LRP1B: variants seen among roughly 807,000 people sequenced by gnomAD.
The protein encoded by LRP1B is LDL receptor related protein 1B.
LRP1B carries 217 observed loss-of-function variants against 556.6 expected under a neutral mutation model. That is an observed-to-expected ratio of 0.39 (90% CI 0.35 to 0.44). The LOEUF is 0.44. LRP1B is among the 20% of genes least tolerant of loss of function. The pLI, the probability that LRP1B is intolerant of heterozygous loss-of-function variation, is 1.00. For missense variants in LRP1B, 5,053 were observed against 5,620.8 expected, an observed-to-expected ratio of 0.90 and a Z score of 3.23; for synonymous variants, 2,047 against 1,865.8, an observed-to-expected ratio of 1.10 and a Z score of -2.50.
At chr2:141,996,223 AAAAAAC>A (rs1490148297) in intron 1 of LRP1B, among the ~76,000 whole-genome samples, 6 of 98,222 alleles carry the variant, frequency 6.1e-5, no homozygotes, top group Middle Eastern at 4.5e-3. Context: ...AAAAAAAAAA[AAAAAAC>A]GTTATAAGTG....
intron 88 of LRP1B, among the ~76,000 whole-genome samples, chr2:140,238,785 A>G (rs1680822807): frequency 6.6e-6 from 1 of 150,748 alleles, no homozygotes; most frequent in Admixed American, 6.6e-5. Flanking sequence ...TCACCCAAAT[A>G]ATGTACGCTG....
At chr2:140,832,599 T>C (rs1691754604) in intron 31 of LRP1B, among the ~76,000 whole-genome samples, 1 of 152,180 alleles carries the variant, frequency 6.6e-6, no homozygotes, top group East Asian at 1.9e-4. Context: ...GCAACATGCA[T>C]GGAGTGTCAG....
intron 2 of LRP1B, among the ~76,000 whole-genome samples, chr2:141,552,130 G>T (rs1262894102): frequency 6.6e-6 from 1 of 151,968 alleles, no homozygotes; most frequent in East Asian, 1.9e-4. Context: ...GGATAGCTAT[G>T]TTCCTATCAT....
At chr2:141,600,389 A>C (rs1166284207) in intron 2 of LRP1B, among the ~76,000 whole-genome samples, 1 of 152,194 alleles carries the variant, frequency 6.6e-6, no homozygotes, top group Non-Finnish European at 1.5e-5. Context: ...GATTTATTGT[A>C]TTCCACGAAC....
At chr2:141,294,008 G>A (rs1686083007) in intron 3 of LRP1B, among the ~76,000 whole-genome samples, 2 of 152,020 alleles carry the variant, frequency 1.3e-5, no homozygotes, top group African/African-American at 4.8e-5. Context: ...CAATTTGAAA[G>A]TATCTTTAAC....
intron 2 of LRP1B, among the ~76,000 whole-genome samples, chr2:141,785,486 T>A (rs1288912779): frequency 2.6e-5 from 4 of 151,850 alleles, no homozygotes; most frequent in African/African-American, 9.7e-5. Context: ...TTTAGGTGAC[T>A]CTTTTCCATG....
chr2:140,633,027 C>T (rs1189222468), intron 41 of LRP1B, among the ~76,000 whole-genome samples: 1 of 149,532 alleles, frequency 6.7e-6, no homozygotes, highest in Non-Finnish European at 1.5e-5. Flanking sequence ...CATGCCACTG[C>T]ACTCCAGCCT....
intron 43 of LRP1B, among the ~76,000 whole-genome samples, chr2:140,596,906 C>G (rs1682464651): frequency 1.3e-5 from 2 of 152,120 alleles, no homozygotes; most frequent in Admixed American, 6.5e-5. Flanking sequence ...ATCTAGAACA[C>G]AATTAGCAAT....
chr2:141,589,315 C>T (rs1001674064), intron 2 of LRP1B, among the ~76,000 whole-genome samples: 3 of 152,090 alleles, frequency 2.0e-5, no homozygotes, highest in African/African-American at 4.8e-5. Flanking sequence ...ACTTCCATAG[C>T]GACCTCTGAC....
intron 1 of LRP1B, among the ~76,000 whole-genome samples, chr2:141,891,830 T>C (rs571207735): frequency 2.0e-5 from 3 of 152,226 alleles, no homozygotes; most frequent in Non-Finnish European, 2.9e-5. Flanking sequence ...CGGAAAACTT[T>C]CAGTTTCTTA....
intron 3 of LRP1B, among the ~76,000 whole-genome samples, chr2:141,362,237 A>G (rs1035115230): frequency 6.6e-6 from 1 of 152,300 alleles, no homozygotes; most frequent in Admixed American, 6.5e-5. Context: ...TAACATTTAA[A>G]CTTGTTTTGG....
At chr2:140,600,238 A>T (rs1413358647) in intron 42 of LRP1B, among the ~76,000 whole-genome samples, 3 of 152,024 alleles carry the variant, frequency 2.0e-5, no homozygotes, top group African/African-American at 7.2e-5. Context: ...ACTGTGGGAC[A>T]TTTATTATTG....
chr2:141,199,353 A>G (rs1362364646), intron 6 of LRP1B, among the ~76,000 whole-genome samples: 1 of 152,018 alleles, frequency 6.6e-6, no homozygotes, highest in Non-Finnish European at 1.5e-5. Flanking sequence ...TTATTTGTGT[A>G]TTTTTTTCTT....
Position 140,358,107 on chromosome 2 carries a change from G to A in LRP1B, c.11267C>T (p.Thr3756Ile), listed in dbSNP as rs2105135502. The A allele has an allele frequency of 5.0e-6, 8 of 1,610,496 alleles. No homozygotes were observed. The highest frequency in any genetic ancestry group is 5.9e-6 in the Non-Finnish European group (7 of 1,177,774). The change falls in exon 74 of 91, where the codon ACA becomes ATA. Residue 3756 changes from threonine (T) to isoleucine (I), a missense_variant. By Grantham distance (89) the Thr-to-Ile change is moderately conservative (BLOSUM62 -1). Coordinates refer to ENST00000389484, the MANE Select transcript of LRP1B (RefSeq NM_018557.3). ...CTTTTTACAAGGCCTTGCTTTATAT[G>A]TCAGCTTACCTATAGAGTCATACAA... is the stretch of plus-strand genomic sequence containing the variant. Reference protein sequence around the residue: ...SDEDHCGGKLTYKARPCKKDE... With the variant: ...SDEDHCGGKLIYKARPCKKDE...
intron 2 of LRP1B, among the ~76,000 whole-genome samples, chr2:141,556,686 TGA>T (rs1484053962): frequency 6.6e-6 from 1 of 151,876 alleles, no homozygotes; most frequent in Non-Finnish European, 1.5e-5. Flanking sequence ...GTTAAGAACA[TGA>T]GAGTTTAAAT....
At chr2:140,964,999 TAG>T (rs1383162805) in intron 18 of LRP1B, among the ~76,000 whole-genome samples, 1 of 152,062 alleles carries the variant, frequency 6.6e-6, no homozygotes, top group Admixed American at 6.6e-5. Flanking sequence ...AGGGATATAA[TAG>T]AGAGATATTG....
At position 140,609,941 on chromosome 2, in the gene LRP1B, C is replaced by T. The variant is rs139483376; in HGVS notation, c.6800-8302G>A. On this transcript the variant is annotated intron_variant, in intron 41 of 90. Transcript: ENST00000389484. ...ATTTAGAATAAAATGTGGTTTACTC[C>T]CTGCCTGCTTCTTCCACCTTATCTC... Among the ~76,000 whole-genome samples the T allele has an allele frequency of 9.9e-4, 150 of 152,198 alleles. 3 individuals carry two copies. In the East Asian group the frequency reaches 0.027, roughly 27 times the overall value.
In LRP1B at chr2:141,224,798, C is replaced by T. The variant is rs1683180289; in HGVS notation, c.850+4385G>A. Among the ~76,000 whole-genome samples the T allele has an allele frequency of 1.3e-5, 2 of 151,384 alleles. 1 individual carries two copies. Among genetic ancestry groups the T allele is most frequent in the South Asian group, 4.2e-4 (2 of 4,756 alleles). ...CACATGGATACAAGGAGGGGAACAA[C>T]ACACACTGAGACTGTCATGGGGGTG... On this transcript the variant is annotated intron_variant, in intron 6 of 90. Transcript: ENST00000389484.
chr2:140,864,125 T>C (rs2105146263), intron 27 of LRP1B, among the ~76,000 whole-genome samples: 1 of 152,008 alleles, frequency 6.6e-6, no homozygotes, highest in African/African-American at 2.4e-5. Context: ...TCTGTGAAAC[T>C]GGATGGCTAA....
Sources: gnomAD v4.1 joint callset for allele counts (sites outside exome capture counted in the v4.1 genomes callset) on GRCh38, gnomAD v4.1.1 for gene constraint, MANE v1.5 for transcripts, NCBI Gene and HGNC (gene_info 2026-07-23, HGNC 2026-07-21) for gene names.